IL2RB: variants seen among roughly 807,000 people sequenced by gnomAD.
The protein encoded by IL2RB is interleukin 2 receptor subunit beta.
A neutral mutation model predicts 44.2 loss-of-function variants in IL2RB; 17 were observed. That is an observed-to-expected ratio of 0.38 (90% CI 0.26 to 0.58). The LOEUF (loss-of-function observed/expected upper bound fraction) is 0.58, where lower values mean the gene tolerates loss of function less well. IL2RB is among the 20% of genes least tolerant of loss of function. The pLI, the probability that IL2RB is intolerant of heterozygous loss-of-function variation, is 0.63. For missense variants in IL2RB, 624 were observed against 685.5 expected (o/e 0.91, Z 1.00); for synonymous variants, 286 against 297.9 (o/e 0.96, Z 0.41).
At chr22:37,131,170 AAAT>A (rs1202321429) in intron 9 of IL2RB, among the ~76,000 whole-genome samples, 2 of 26,402 alleles carry the variant, frequency 7.6e-5, no homozygotes, top group Non-Finnish European at 1.4e-4. Flanking sequence ...CCATCTCAAA[AAAT>A]AAATAAATAA....
chr22:37,156,520 T>G (rs982263277), intron 1 of IL2RB, among the ~76,000 whole-genome samples: 1 of 152,186 alleles, frequency 6.6e-6, no homozygotes, highest in East Asian at 1.9e-4. Context: ...CCTTCTCCCA[T>G]CTCCTCATAG....
At chr22:37,152,851 G>C (rs1330580526), upstream of IL2RB, among the ~76,000 whole-genome samples, 3 of 151,192 alleles carry the variant, frequency 2.0e-5, no homozygotes, top group African/African-American at 4.9e-5. Flanking sequence ...TCCATCCTCA[G>C]AGCCCAGAAG....
chr22:37,134,565 C>T (rs1384013392), intron 8 of IL2RB, among the ~76,000 whole-genome samples: 1 of 152,186 alleles, frequency 6.6e-6, no homozygotes, highest in African/African-American at 2.4e-5. Context: ...GAGATTGCGC[C>T]ACTGTACTCC....
At chr22:37,171,996 G>C (rs1235056851) in intron 1 of IL2RB, among the ~76,000 whole-genome samples, 1 of 152,066 alleles carries the variant, frequency 6.6e-6, no homozygotes, top group African/African-American at 2.4e-5. Context: ...TTTCCCCTGG[G>C]TTGAGAACCC....
At chr22:37,166,734 G>C (rs1405485870) in intron 1 of IL2RB, 2 of 152,172 alleles carry the variant, frequency 1.3e-5, no homozygotes, top group Non-Finnish European at 2.9e-5. Flanking sequence ...CAGCCTCCTC[G>C]AGACTTGTGC....
chr22:37,152,053 A>G (rs888130321), upstream of IL2RB, among the ~76,000 whole-genome samples: 2 of 152,180 alleles, frequency 1.3e-5, no homozygotes, highest in African/African-American at 4.8e-5. Flanking sequence ...GCTACTCTGC[A>G]TCTTTTGTGG....
chr22:37,164,435 C>T (rs949278044), intron 1 of IL2RB, among the ~76,000 whole-genome samples: 6 of 139,314 alleles, frequency 4.3e-5, no homozygotes, highest in African/African-American at 1.3e-4. Flanking sequence ...TCATCTGTGC[C>T]GTTCCTGCAT....
At chr22:37,162,007 G>A (rs575702752) in intron 1 of IL2RB, 51 of 152,338 alleles carry the variant, frequency 3.3e-4, no homozygotes, top group African/African-American at 1.2e-3. Context: ...CTGAGCTTCA[G>A]AATATCCTGA....
intron 6 of IL2RB, among the ~76,000 whole-genome samples, chr22:37,137,243 G>A (rs1042782671): frequency 6.6e-6 from 1 of 152,238 alleles, no homozygotes; most frequent in Non-Finnish European, 1.5e-5. Flanking sequence ...TAAGCAACAG[G>A]CCCGCACGGA....
chr22:37,160,929 G>A (rs913149374), intron 1 of IL2RB, among the ~76,000 whole-genome samples: 3 of 152,126 alleles, frequency 2.0e-5, no homozygotes, highest in Non-Finnish European at 2.9e-5. Flanking sequence ...ATCACCTGAG[G>A]TCACCAGTTT....
rs148235304 is a variant in IL2RB at position 37,144,159 on chromosome 22, G to A, written c.14C>T (p.Ala5Val). 2 of 1,551,328 alleles carry A rather than the reference G, an allele frequency of 1.3e-6. No individual in the cohort carries two copies. Among genetic ancestry groups the A allele is most frequent in the African/African-American group, 1.4e-5 (1 of 73,046 alleles). ...GAGGAGGGGCAGACGCCAGGACAGA[G>A]CAGGGGCCGCCATTACATCCACAGG... MAAP[A>V]LSWRLPLLIL... The change falls in exon 2 of 10, where the codon GCT (alanine) becomes GTT (valine). Residue 5 changes from alanine to valine, a missense_variant. Coordinates refer to ENST00000216223, the MANE Select transcript of IL2RB (RefSeq NM_000878.5).
rs537913192 is a variant in IL2RB at position 37,164,374 on chromosome 22, C to T, written c.-34+10584G>A. Among the ~76,000 whole-genome samples the T allele has an allele frequency of 2.2e-4, 33 of 151,996 alleles. 1 individual carries two copies. The highest frequency in any genetic ancestry group is 4.4e-4 in the Non-Finnish European group (30 of 67,974). On this transcript the variant is annotated intron_variant, in intron 1 of 5. Coordinates refer to the IL2RB transcript ENST00000429622. ...TTGATCGGGAGGATGTGGTCAGCGG[C>T]TTCAGGCCTGTGGTTTGAGCCCAGA...
chr22:37,128,394 T>A lies in IL2RB; in HGVS notation c.1358A>T (p.Glu453Val), dbSNP rs775883056. 4 of 1,511,840 alleles carry A rather than the reference T, an allele frequency of 2.6e-6. No homozygotes were observed. The highest frequency in any genetic ancestry group is 3.5e-6 in the Non-Finnish European group (4 of 1,131,384). 93.7% of individuals were successfully genotyped at this position (1,511,840 alleles called of 1,614,324 possible). The change falls in exon 10 of 10, where the codon GAG (glutamate) becomes GTG (valine). Residue 453 changes from glutamate (E) to valine (V), a missense_variant. Physicochemically the swap from Glu to Val is moderately radical, Grantham distance 121. This residue lies in a region of IL2RB where 291 missense variants were observed against 275.5 expected (regional missense o/e 1.06). Coordinates refer to ENST00000216223, the MANE Select transcript of IL2RB (RefSeq NM_000878.5). This position sits in a 1 kb window ranked among gnomAD's most constrained non-coding sequence, Gnocchi z 4.5. ...TAPGGSGAGE[E>V]RMPPSLQERV... ...TTCTTGCAAAGAAGGGGGCATCCTC[T>A]CTTCACCGGCCCCACTGCCCCCAGG...
intron 1 of IL2RB, among the ~76,000 whole-genome samples, chr22:37,147,385 G>A (rs538917904): frequency 1.1e-4 from 16 of 152,272 alleles, no homozygotes; most frequent in Non-Finnish European, 4.4e-5. Flanking sequence ...CTCCCCAGAC[G>A]CATCTTCCCA....
At chr22:37,172,877 A>G (rs1037888378) in intron 1 of IL2RB, among the ~76,000 whole-genome samples, 10 of 152,120 alleles carry the variant, frequency 6.6e-5, no homozygotes. Context: ...GACTCCTGTA[A>G]GGAGCCCTGC....
chr22:37,137,850 A>C, intron 5 of IL2RB, 115 bp from the exon 6 acceptor site: 2 of 897,838 alleles, frequency 2.2e-6, no homozygotes, highest in African/African-American at 1.7e-5. Context: ...CCCCGACCCA[A>C]AGCCCCAGGA....
intron 1 of IL2RB, among the ~76,000 whole-genome samples, chr22:37,168,982 G>A (rs1214626622): frequency 6.6e-6 from 1 of 151,918 alleles, no homozygotes; most frequent in African/African-American, 2.4e-5. Context: ...CTTACAGAGG[G>A]GTCCTTGTTT....
chr22:37,163,447 G>T (rs555785948), intron 1 of IL2RB, among the ~76,000 whole-genome samples: 2 of 152,144 alleles, frequency 1.3e-5, no homozygotes, highest in African/African-American at 4.8e-5. Flanking sequence ...AGAAATGGGG[G>T]GGCCGCTTCT....
At chr22:37,148,829 G>A (rs552551484) in intron 1 of IL2RB, among the ~76,000 whole-genome samples, 43 of 152,096 alleles carry the variant, frequency 2.8e-4, no homozygotes, top group Admixed American at 1.0e-3. Flanking sequence ...GGCCCCTGCT[G>A]CCATCAGGGG....
Sources: allele counts gnomAD v4.1 joint callset (sites outside exome capture counted in the v4.1 genomes callset), GRCh38; gene constraint gnomAD v4.1.1; regional missense constraint gnomAD v4.1.1; non-coding constraint Gnocchi (gnomAD v3.1); transcripts MANE v1.5; gene names NCBI Gene and HGNC (gene_info 2026-07-23, HGNC 2026-07-21).